Variants in SI observed in about 807,000 individuals in gnomAD.
SI encodes the protein sucrase-isomaltase.
In SI, 235 loss-of-function variants were observed where a neutral mutation model predicts 253.3. That is an observed-to-expected ratio of 0.93 (90% CI 0.83 to 1.03). The LOEUF (loss-of-function observed/expected upper bound fraction) is 1.03. Among genes scored for constraint, SI ranks in the 50% least tolerant of loss-of-function variants. The pLI is 0.00. For synonymous variants in SI, 819 were observed against 712.0 expected (o/e 1.15, Z -2.39); for missense variants, 2,442 against 2,211.1 (o/e 1.10, Z -2.09).
At chr3:165,062,745 G>C (rs565164270) in intron 8 of SI, among the ~76,000 whole-genome samples, 29 of 152,084 alleles carry the variant, frequency 1.9e-4, no homozygotes, top group African/African-American at 6.7e-4. Flanking sequence ...GTGTTGCAAA[G>C]GGTTAGTTGC....
rs111263785 is a variant in SI, at chr3:165,050,179, T to C, written c.1513-304A>G. Among the ~76,000 whole-genome samples the C allele has an allele frequency of 2.5e-3, 384 of 152,276 alleles. 1 individual carries two copies. The highest frequency in any genetic ancestry group is 8.9e-3 in the South Asian group (43 of 4,830). Reference sequence around the variant, plus strand: ...TAAATAGCTGTTAGTCTTCTCATTATGAGTCCATTAATATACACATTCCTT... The same window carrying C: ...TAAATAGCTGTTAGTCTTCTCATTACGAGTCCATTAATATACACATTCCTT... On this transcript the variant is annotated intron_variant, in intron 13 of 47. Transcript: ENST00000264382.
At chr3:165,068,913 T>C (rs985237378) in intron 4 of SI, 82 bp from the exon 5 acceptor site, 5 of 1,048,786 alleles carry the variant, frequency 4.8e-6, no homozygotes, top group Non-Finnish European at 7.3e-6. Flanking sequence ...TTATTGTATT[T>C]ACCACAAATG....
Position 164,992,049 on chromosome 3 carries a change from C to T in SI, c.4983+128G>A, listed in dbSNP as rs57366872. The stretch of plus-strand genomic sequence containing the variant: ...TTAATTCAATTCAGCTATAATTTAC[C>T]GGAAATATGTTACTTTCCACTCTTT... On this transcript the variant is annotated intron_variant, in intron 43 of 47. Transcript: ENST00000264382. The T allele has an allele frequency of 0.017, 13,613 of 810,620 alleles. 1,281 individuals are homozygous for T. In the African/African-American group the frequency reaches 0.21, roughly 12 times the overall value. The allele number at this position is 810,620 out of a possible 1,614,324, so 50.2% of individuals were successfully genotyped here.
intron 3 of SI, among the ~76,000 whole-genome samples, chr3:165,074,085 A>C (rs1011071702): frequency 6.6e-6 from 1 of 152,064 alleles, no homozygotes; most frequent in African/African-American, 2.4e-5. Flanking sequence ...TCTCTTCTTC[A>C]CTTCTAATTG....
chr3:164,982,239 T>C lies in SI; in HGVS notation c.5415+4A>G. 1 of 1,609,578 alleles carries C rather than the reference T, an allele frequency of 6.2e-7. No homozygotes were observed. The highest frequency in any genetic ancestry group is 8.5e-7 in the Non-Finnish European group (1 of 1,176,580). On this transcript the variant is annotated splice_donor_region_variant and intron_variant, in intron 47 of 47. Transcript: ENST00000264382. ...TTTGAAAAATATTTTCTTACATTAC[T>C]TACCATGTTGGTAGTGTCTTCATTA...
chr3:165,015,211 T>G lies in SI; in HGVS notation c.3911A>C (p.Glu1304Ala). ...TTCAAATGCAGGGTAAGTCTTTGTT[T>G]CATTTCCTGAAATTGCTGGATCCTA... Reference protein sequence around the residue: ...IILDPAISGNETKTYPAFERG... With the variant: ...IILDPAISGNATKTYPAFERG... Residue 1304 changes from glutamate to alanine, a missense_variant, in exon 33 of 48, where the codon GAA becomes GCA. Physicochemically the swap from Glu to Ala is moderately radical, Grantham distance 107. Coordinates refer to ENST00000264382, the MANE Select transcript of SI (RefSeq NM_001041.4). 1 of 1,613,172 alleles carries G rather than the reference T, an allele frequency of 6.2e-7. No homozygotes were observed. Among genetic ancestry groups the G allele is most frequent in the Non-Finnish European group, 8.5e-7 (1 of 1,179,368 alleles).
At chr3:165,066,896 T>A (rs912770164) in intron 6 of SI, among the ~76,000 whole-genome samples, 1 of 152,014 alleles carries the variant, frequency 6.6e-6, no homozygotes, top group African/African-American at 2.4e-5. Flanking sequence ...ACACCCCTCA[T>A]ACAATCATAA....
chr3:165,055,060 GA>G (rs1487328633), intron 13 of SI, 133 bp downstream of exon 13: 1 of 618,988 alleles, frequency 1.6e-6, no homozygotes. Context: ...TCCATTCTGG[GA>G]AAAAACATTA....
intron 15 of SI, 61 bp downstream of exon 15, chr3:165,049,066 T>C (rs1250992266): frequency 8.3e-6 from 8 of 969,472 alleles, no homozygotes; most frequent in Non-Finnish European, 1.4e-5. Flanking sequence ...CATTGATAAA[T>C]TATCAAAAAC....
At chr3:165,052,093 T>C (rs934046160) in intron 13 of SI, among the ~76,000 whole-genome samples, 4 of 152,106 alleles carry the variant, frequency 2.6e-5, no homozygotes, top group Admixed American at 2.6e-4. Context: ...ATGTCTAAAG[T>C]ATGTCTATAT....
intron 21 of SI, among the ~76,000 whole-genome samples, chr3:165,036,855 A>G (rs761931955): frequency 1.3e-5 from 2 of 151,872 alleles, no homozygotes; most frequent in Non-Finnish European, 2.9e-5. Context: ...TTAAGTCTAC[A>G]TCTTATGAGA....
the SI span, among the ~76,000 whole-genome samples, chr3:165,088,689 A>G: frequency 2.0e-5 from 3 of 151,850 alleles, no homozygotes; most frequent in South Asian, 2.1e-4. Context: ...ATAAAACAAC[A>G]TGGGTCAAAT....
chr3:165,030,801 A>C lies in SI; in HGVS notation c.2803T>G (p.Phe935Val), dbSNP rs368086924. ...RNFSVQWNQIFSENERFNCYP... is the reference protein window; with the variant it reads ...RNFSVQWNQIVSENERFNCYP... ...CAATTAAATCTTTCATTTTCTGAGA[A>C]AATTTGATTCCATTGAACACTAAAG... Residue 935 changes from phenylalanine to valine, a missense_variant, in exon 25 of 48, where the codon TTC becomes GTC. Coordinates refer to ENST00000264382, the MANE Select transcript of SI (RefSeq NM_001041.4). 6.2e-7 allele frequency: 1 copy of C among 1,608,166 alleles called. No homozygotes were observed. Among genetic ancestry groups the C allele is most frequent in the Non-Finnish European group, 8.5e-7 (1 of 1,176,596 alleles).
intron 44 of SI, 58 bp from the exon 45 acceptor site, chr3:164,987,284 A>C: frequency 7.4e-7 from 1 of 1,348,660 alleles, no homozygotes; most frequent in Admixed American, 1.7e-5. Context: ...ATGTCTAGTT[A>C]TGATATGACA....
intron 16 of SI, among the ~76,000 whole-genome samples, chr3:165,045,920 A>G (rs1442496075): frequency 7.1e-6 from 1 of 140,172 alleles, no homozygotes; most frequent in South Asian, 2.3e-4. Context: ...TGCAACCTCC[A>G]CCTCCCAGGT....
chr3:165,041,188 A>T, intron 17 of SI, 94 bp from the exon 18 acceptor site: 1 of 1,080,220 alleles, frequency 9.3e-7, no homozygotes, highest in Non-Finnish European at 1.4e-6. Context: ...AAGCAACTAC[A>T]TAAATTTCAG....
chr3:165,088,224 T>C, the SI span, among the ~76,000 whole-genome samples: 8 of 152,070 alleles, frequency 5.3e-5, no homozygotes, highest in Admixed American at 5.2e-4. Context: ...CACATGCCTG[T>C]AATCCCAGCT....
rs1294946650 is a variant in SI, at chr3:165,060,208, T to A, written c.1021-181A>T. The stretch of plus-strand genomic sequence containing the variant: ...AATTTCCTATTCTATTTGAATGTGT[T>A]ATGAAATTTTTAACAAGTTCATGTC... On this transcript the variant is annotated intron_variant, in intron 9 of 47. Transcript: ENST00000264382. Among the ~76,000 whole-genome samples the A allele has an allele frequency of 3.3e-5, 5 of 152,024 alleles. No homozygotes were observed. The Admixed American group carries it at 3.3e-4, about 10-fold the overall frequency.
chr3:165,059,760 A>T, intron 10 of SI, 142 bp downstream of exon 10: 1 of 857,804 alleles, frequency 1.2e-6, no homozygotes, highest in Non-Finnish European at 1.9e-6. Context: ...ATGAGATAAA[A>T]TATACTTTAC....
Sources: gnomAD v4.1 joint callset for allele counts (sites outside exome capture counted in the v4.1 genomes callset) on GRCh38, gnomAD v4.1.1 for gene constraint, MANE v1.5 for transcripts, NCBI Gene and HGNC (gene_info 2026-07-23, HGNC 2026-07-21) for gene names.